PRORP: variants seen among roughly 807,000 people sequenced by gnomAD.
PRORP encodes mitochondrial ribonuclease P catalytic subunit.
PRORP carries 51 observed loss-of-function variants against 59.4 expected under a neutral mutation model. That is an observed-to-expected ratio of 0.86 (90% confidence interval 0.69 to 1.08). The LOEUF (loss-of-function observed/expected upper bound fraction) is 1.08, where lower values mean the gene tolerates loss of function less well. PRORP is among the 50% of genes least tolerant of loss of function. PRORP has a pLI of 0.00. For synonymous variants in PRORP, 231 were observed against 245.6 expected (o/e 0.94, Z 0.55); for missense variants, 646 against 690.3 (o/e 0.94, Z 0.72).
intron 5 of PRORP, among the ~76,000 whole-genome samples, chr14:35,195,905 T>C (rs1172393588): frequency 1.3e-5 from 2 of 152,188 alleles, no homozygotes; most frequent in Non-Finnish European, 2.9e-5. Context: ...ATAGTTTAAA[T>C]TACCTAGTTA....
rs1037415596 is a variant in PRORP, at chr14:35,277,043, G to C, written c.*3477G>C. On this transcript the variant is annotated 3_prime_UTR_variant, in exon 8 of 8. Transcript: ENST00000534898. ...CACTTTTATTTATTTTTTTTTTTGA[G>C]ACAGAGTCTTGATCTTTTTTCATCT... The C allele has an allele frequency of 6.6e-6, 1 of 150,966 alleles. No individual in the cohort carries two copies. Among genetic ancestry groups the C allele is most frequent in the Non-Finnish European group, 1.5e-5 (1 of 67,790 alleles). The allele number at this position is 150,966 out of a possible 1,614,324, so 9.4% of individuals were successfully genotyped here.
intron 2 of PRORP, among the ~76,000 whole-genome samples, chr14:35,125,171 A>G (rs151193425): frequency 6.6e-6 from 1 of 152,124 alleles, no homozygotes; most frequent in Non-Finnish European, 1.5e-5. Context: ...TATTCTGTCT[A>G]CTATCTATAG....
intron 4 of PRORP, among the ~76,000 whole-genome samples, chr14:35,152,800 G>A (rs878892451): frequency 6.7e-6 from 1 of 150,028 alleles, no homozygotes; most frequent in Admixed American, 6.6e-5. Flanking sequence ...ACGGGGAGGC[G>A]GAGCAGAGGC....
intron 4 of PRORP, among the ~76,000 whole-genome samples, chr14:35,155,128 A>T (rs1189134086): frequency 6.6e-6 from 1 of 152,120 alleles, no homozygotes; most frequent in Non-Finnish European, 1.5e-5. Flanking sequence ...TCGTGGGCTC[A>T]AGTGATTTCC....
At chr14:35,157,230 C>T (rs915189510) in intron 4 of PRORP, among the ~76,000 whole-genome samples, 3 of 152,134 alleles carry the variant, frequency 2.0e-5, no homozygotes, top group Non-Finnish European at 2.9e-5. Context: ...GCTGGGATTA[C>T]AGGCGTGAGC....
chr14:35,212,284 A>G (rs528108635), intron 5 of PRORP, among the ~76,000 whole-genome samples: 7 of 152,292 alleles, frequency 4.6e-5, no homozygotes, highest in Non-Finnish European at 1.0e-4. Context: ...TACTATTGGT[A>G]TTTTGACCTC....
In PRORP at chr14:35,271,261, C is replaced by A. The variant is rs373476624; in HGVS notation, c.1620+665C>A. Among the ~76,000 whole-genome samples, 167 of 147,628 alleles carry A rather than the reference C, an allele frequency of 1.1e-3. 1 individual carries two copies. Among genetic ancestry groups the A allele is most frequent in the African/African-American group, 3.8e-3 (154 of 40,038 alleles). ...ACAGCCTCCGCCTCCCAGGTTCAAG[C>A]GATCCTCCTGCCTCAGCCTCCCAAG... On this transcript the variant is annotated intron_variant, in intron 7 of 7. Transcript: ENST00000534898.
At chr14:35,152,239 A>C (rs2047775640) in intron 4 of PRORP, among the ~76,000 whole-genome samples, 1 of 152,216 alleles carries the variant, frequency 6.6e-6, no homozygotes. Flanking sequence ...CAGAGAGCAC[A>C]GGGTTGGGGA....
chr14:35,223,225 C>CTT lies in PRORP; in HGVS notation c.1275+42461_1275+42462dup, dbSNP rs11333388. 2.4e-3 allele frequency among the ~76,000 whole-genome samples: 349 copies of CTT among 145,486 alleles called. 2 individuals carry two copies. Among genetic ancestry groups the CTT allele is most frequent in the Middle Eastern group, 0.011 (3 of 278 alleles). On this transcript the variant is annotated intron_variant, in intron 5 of 7. Coordinates refer to ENST00000534898, the MANE Select transcript of PRORP (RefSeq NM_014672.4). ...ATGTGGTATCACCTTATCAGGTGCTCTTTTTTTTTTTTTTACCAGAATGAA... is the reference window on the plus strand; with the variant it reads ...ATGTGGTATCACCTTATCAGGTGCTCTTTTTTTTTTTTTTTTACCAGAATGAA...
At chr14:35,172,592 C>G (rs2048350000) in intron 4 of PRORP, among the ~76,000 whole-genome samples, 1 of 147,680 alleles carries the variant, frequency 6.8e-6, no homozygotes, top group African/African-American at 2.5e-5. Flanking sequence ...GTTCTGTCAC[C>G]AGGCTGGAGT....
chr14:35,175,737 G>A (rs76994072), intron 4 of PRORP, among the ~76,000 whole-genome samples: 28,965 of 151,834 alleles, frequency 0.19, 3,316 homozygotes, highest in Non-Finnish European at 0.26. Context: ...AGAAGCTCTT[G>A]AGTTTAATTA....
At chr14:35,180,857 A>G (rs539153971) in intron 5 of PRORP, 80 bp downstream of exon 5, 2 of 894,972 alleles carry the variant, frequency 2.2e-6, no homozygotes, top group East Asian at 2.6e-5. Flanking sequence ...TGGGGCTCTT[A>G]GCTCCTCAGT....
At chr14:35,183,808 T>C (rs745621879) in intron 5 of PRORP, among the ~76,000 whole-genome samples, 1 of 152,196 alleles carries the variant, frequency 6.6e-6, no homozygotes, top group Non-Finnish European at 1.5e-5. Flanking sequence ...AAGGGCTGGA[T>C]GGTTTCTTCC....
At chr14:35,214,751 A>G (rs1335495447) in intron 5 of PRORP, among the ~76,000 whole-genome samples, 1 of 152,180 alleles carries the variant, frequency 6.6e-6, no homozygotes, top group Non-Finnish European at 1.5e-5. Context: ...TACTAAAAAT[A>G]CAAAAATTAT....
At chr14:35,260,085 C>T (rs10132920) in intron 5 of PRORP, among the ~76,000 whole-genome samples, 20,687 of 142,312 alleles carry the variant, frequency 0.15, 2,771 homozygotes, top group African/African-American at 0.35. Flanking sequence ...TATCATAGCT[C>T]ACTGCAGCAT....
intron 5 of PRORP, among the ~76,000 whole-genome samples, chr14:35,224,566 A>C (rs1439124326): frequency 6.6e-6 from 1 of 152,210 alleles, no homozygotes; most frequent in African/African-American, 2.4e-5. Flanking sequence ...CTGGCACCAG[A>C]GTCTATGCCT....
intron 5 of PRORP, among the ~76,000 whole-genome samples, chr14:35,249,236 A>T (rs372896112): frequency 6.6e-6 from 1 of 152,158 alleles, no homozygotes; most frequent in East Asian, 1.9e-4. Flanking sequence ...AATTAATTCC[A>T]GTTCAAGCCC....
At chr14:35,212,358 C>T (rs1055313788) in intron 5 of PRORP, among the ~76,000 whole-genome samples, 1 of 152,190 alleles carries the variant, frequency 6.6e-6, no homozygotes, top group African/African-American at 2.4e-5. Flanking sequence ...AGAAAGTTTT[C>T]AATTGATTTT....
chr14:35,157,022 C>T (rs1250716862), intron 4 of PRORP, among the ~76,000 whole-genome samples: 2 of 141,946 alleles, frequency 1.4e-5, no homozygotes, highest in African/African-American at 5.3e-5. Flanking sequence ...GTGGCTCCAT[C>T]TCGGCTCACT....
Sources: gnomAD v4.1 joint callset for allele counts (sites outside exome capture counted in the v4.1 genomes callset) on GRCh38, gnomAD v4.1.1 for gene constraint, MANE v1.5 for transcripts, NCBI Gene and HGNC (gene_info 2026-07-23, HGNC 2026-07-21) for gene names.